TRAPPC9: variants seen among roughly 807,000 people sequenced by gnomAD.
The protein encoded by TRAPPC9 is IKK2 binding protein.
A neutral mutation model predicts 124.0 loss-of-function variants in TRAPPC9; 83 were observed. The observed-to-expected ratio is 0.67, with a 90% confidence interval of 0.56 to 0.80. TRAPPC9 has a LOEUF of 0.80. Ranked by LOEUF, TRAPPC9 falls within the 30% of genes least tolerant of loss-of-function variation. The pLI is 0.00. For synonymous variants in TRAPPC9, 638 were observed against 617.5 expected, an observed-to-expected ratio of 1.03 and a Z score of -0.49; for missense variants, 1,302 against 1,508.3, an observed-to-expected ratio of 0.86 and a Z score of 2.27.
intron 5 of TRAPPC9, among the ~76,000 whole-genome samples, chr8:140,421,148 C>A (rs1468700659): frequency 6.6e-6 from 1 of 152,152 alleles, no homozygotes; most frequent in African/African-American, 2.4e-5. Context: ...GCCCAAAGTG[C>A]ACTAGCCACA....
intron 21 of TRAPPC9, among the ~76,000 whole-genome samples, chr8:139,733,381 C>G (rs984251972): frequency 5.3e-5 from 8 of 152,060 alleles, no homozygotes; most frequent in Non-Finnish European, 1.0e-4. Context: ...ACTGAGAACA[C>G]ACATCTGTTG....
chr8:140,372,053 C>A (rs2068297747), intron 7 of TRAPPC9, among the ~76,000 whole-genome samples: 1 of 152,200 alleles, frequency 6.6e-6, no homozygotes, highest in Non-Finnish European at 1.5e-5. Context: ...ACTTAACGTA[C>A]CTGATTTACT....
intron 21 of TRAPPC9, among the ~76,000 whole-genome samples, chr8:139,737,076 A>C (rs1818220103): frequency 6.6e-6 from 1 of 152,222 alleles, no homozygotes; most frequent in South Asian, 2.1e-4. Flanking sequence ...GCTGGGGGAC[A>C]GGAAGGAACC....
chr8:140,097,717 G>C lies in TRAPPC9; in HGVS notation c.2557-73638C>G, dbSNP rs2060480200. Reference sequence around the variant, plus strand: ...AGGGTAAGAACGCCTGTCTGGGTGGGTCCTTGGTGCACAACCACAGGCGCG... The same window carrying C: ...AGGGTAAGAACGCCTGTCTGGGTGGCTCCTTGGTGCACAACCACAGGCGCG... On this transcript the variant is annotated intron_variant, in intron 17 of 22. Transcript: ENST00000438773. The surrounding 1 kb of genome is among the most constrained non-coding windows in gnomAD (Gnocchi z 4.2). The C allele has an allele frequency of 6.6e-6, 1 of 152,056 alleles. No homozygotes were observed. Among genetic ancestry groups the C allele is most frequent in the African/African-American group, 2.4e-5 (1 of 41,378 alleles). 9.4% of individuals were successfully genotyped at this position (152,056 alleles called of 1,614,324 possible).
intron 19 of TRAPPC9, among the ~76,000 whole-genome samples, chr8:139,982,266 C>T (rs777814259): frequency 1.2e-4 from 19 of 152,304 alleles, no homozygotes; most frequent in Non-Finnish European, 2.1e-4. Flanking sequence ...TCTGGGAACG[C>T]AGCCTAGGGA....
At chr8:139,749,643 A>C (rs557975391) in intron 21 of TRAPPC9, among the ~76,000 whole-genome samples, 5 of 152,212 alleles carry the variant, frequency 3.3e-5, no homozygotes, top group Non-Finnish European at 7.3e-5. Flanking sequence ...GAGGTTAAAC[A>C]GACTCTTGAT....
intron 21 of TRAPPC9, among the ~76,000 whole-genome samples, chr8:139,785,185 C>T (rs756927247): frequency 3.9e-5 from 6 of 152,180 alleles, no homozygotes; most frequent in Admixed American, 6.5e-5. Context: ...AAAAGACTGT[C>T]TTTTCAACAA....
chr8:139,932,501 G>A (rs1300835360), intron 19 of TRAPPC9: 13 of 456,702 alleles, frequency 2.8e-5, no homozygotes, highest in South Asian at 4.6e-5. Flanking sequence ...GGTGGCTCAC[G>A]CCTGTAATCC....
intron 17 of TRAPPC9, among the ~76,000 whole-genome samples, chr8:140,053,740 G>A (rs1384572806): frequency 1.3e-5 from 2 of 152,172 alleles, no homozygotes; most frequent in African/African-American, 4.8e-5. Flanking sequence ...CTGTGATGTT[G>A]GGTGCGTACA....
chr8:140,210,745 T>C (rs183271994), intron 17 of TRAPPC9, among the ~76,000 whole-genome samples: 5 of 152,266 alleles, frequency 3.3e-5, no homozygotes, highest in East Asian at 3.9e-4. Context: ...CTGGGCACCA[T>C]TGCTTCTGTG....
chr8:140,270,593 C>G (rs1043501905), intron 15 of TRAPPC9, among the ~76,000 whole-genome samples: 1 of 152,200 alleles, frequency 6.6e-6, no homozygotes, highest in Non-Finnish European at 1.5e-5. Flanking sequence ...TCCTGTGGCA[C>G]TAAGTCAGAG....
In TRAPPC9 at chr8:139,988,745, G is replaced by A; in HGVS notation, c.2791C>T (p.His931Tyr). 1 of 1,550,656 alleles carries A rather than the reference G, an allele frequency of 6.4e-7. No homozygotes were observed. The highest frequency in any genetic ancestry group is 8.7e-7 in the Non-Finnish European group (1 of 1,146,668). ...STRSSEALIL[H>Y]AGECQRMAIQ... is the part of the protein sequence containing the mutation. ...ACTTACCGCTGGCACTCACCGGCGT[G>A]CAGGATGAGTGCCTCGCTGCTCCTG... is the stretch of plus-strand genomic sequence containing the variant. The change falls in exon 19 of 23, where the codon CAC becomes TAC. Residue 931 changes from histidine to tyrosine, a missense_variant. By Grantham distance (83) the His-to-Tyr change is moderately conservative (BLOSUM62 2). Coordinates refer to ENST00000438773, the MANE Select transcript of TRAPPC9 (RefSeq NM_001160372.4).
chr8:140,145,457 C>A (rs1316388711), intron 17 of TRAPPC9, among the ~76,000 whole-genome samples: 1 of 152,076 alleles, frequency 6.6e-6, no homozygotes, highest in Non-Finnish European at 1.5e-5. Flanking sequence ...CAATAATGCT[C>A]TCTTGCAGTC....
chr8:140,418,783 CAGACAGAT>C (rs1424821230), intron 5 of TRAPPC9, among the ~76,000 whole-genome samples: 1 of 150,796 alleles, frequency 6.6e-6, no homozygotes, highest in Non-Finnish European at 1.5e-5. Context: ...GACAGACAGA[CAGACAGAT>C]GCAAATATCC....
chr8:139,857,984 T>C (rs1364218175), intron 21 of TRAPPC9, among the ~76,000 whole-genome samples: 1 of 151,996 alleles, frequency 6.6e-6, no homozygotes. Context: ...CATCTGGCAG[T>C]AGAAAGGAAG....
At chr8:140,323,912 A>C (rs371503534) in intron 9 of TRAPPC9, among the ~76,000 whole-genome samples, 110 of 152,034 alleles carry the variant, frequency 7.2e-4, no homozygotes, top group African/African-American at 2.5e-3. Context: ...TTTTATTTGC[A>C]TAGGTTTTCG....
At chr8:139,824,446 G>T (rs1377608014) in intron 21 of TRAPPC9, among the ~76,000 whole-genome samples, 1 of 152,248 alleles carries the variant, frequency 6.6e-6, no homozygotes, top group Non-Finnish European at 1.5e-5. Flanking sequence ...ACGTCGGGCG[G>T]TGGAGGAAAC....
intron 17 of TRAPPC9, among the ~76,000 whole-genome samples, chr8:140,206,571 T>C (rs993530907): frequency 2.0e-5 from 3 of 152,098 alleles, no homozygotes; most frequent in African/African-American, 7.2e-5. Context: ...CACAGTGTTA[T>C]TACTCCCTTA....
intron 7 of TRAPPC9, among the ~76,000 whole-genome samples, chr8:140,376,712 C>G (rs562196101): frequency 6.6e-6 from 1 of 151,566 alleles, no homozygotes; most frequent in South Asian, 2.1e-4. Flanking sequence ...CCCATCTCAA[C>G]TAAAAATATA....
Sources: allele counts gnomAD v4.1 joint callset (sites outside exome capture counted in the v4.1 genomes callset), GRCh38; gene constraint gnomAD v4.1.1; non-coding constraint Gnocchi (gnomAD v3.1); transcripts MANE v1.5; gene names NCBI Gene and HGNC (gene_info 2026-07-23, HGNC 2026-07-21).